CAMKV: variants seen among roughly 807,000 people sequenced by gnomAD.
CAMKV encodes the protein caM kinase-like vesicle-associated protein.
A neutral mutation model predicts 50.2 loss-of-function variants in CAMKV; 5 were observed. That is an observed-to-expected ratio of 0.10 (90% CI 0.05 to 0.21). The LOEUF is 0.21. CAMKV is among the 10% of genes least tolerant of loss of function. CAMKV has a pLI of 1.00. For synonymous variants in CAMKV, 229 were observed against 250.1 expected, an observed-to-expected ratio of 0.92 and a Z score of 0.80; for missense variants, 361 against 650.5, an observed-to-expected ratio of 0.55 and a Z score of 4.84.
intron 1 of CAMKV, among the ~76,000 whole-genome samples, chr3:49,864,333 A>G (rs940736858): frequency 6.6e-6 from 1 of 152,190 alleles, no homozygotes; most frequent in Non-Finnish European, 1.5e-5. Context: ...TCGGCTCTGC[A>G]TATGCATTCA....
chr3:49,861,685 C>G lies in CAMKV; in HGVS notation c.302+106G>C. On this transcript the variant is annotated intron_variant, in intron 4 of 10. Coordinates refer to ENST00000477224, the MANE Select transcript of CAMKV (RefSeq NM_024046.5). This position sits in a 1 kb window ranked among gnomAD's most constrained non-coding sequence, Gnocchi z 7.7. The stretch of plus-strand genomic sequence containing the variant: ...CAGCTGGCTGAGCAAGGCACAGGGA[C>G]CTGGGACGCCAAGGGTCCAGAAAGG... The G allele has an allele frequency of 6.3e-7, 1 of 1,594,422 alleles. No homozygotes were observed. Among genetic ancestry groups the G allele is most frequent in the Non-Finnish European group, 8.6e-7 (1 of 1,164,938 alleles).
At position 49,861,144 on chromosome 3, in the gene CAMKV, C is replaced by A. The variant is rs762972783; in HGVS notation, c.562+36G>T. 6.3e-7 allele frequency: 1 copy of A among 1,585,900 alleles called. No homozygotes were observed. Among genetic ancestry groups the A allele is most frequent in the Admixed American group, 1.8e-5 (1 of 56,364 alleles). On this transcript the variant is annotated intron_variant, in intron 6 of 10. Coordinates refer to ENST00000477224, the MANE Select transcript of CAMKV (RefSeq NM_024046.5). This position sits in a 1 kb window ranked among gnomAD's most constrained non-coding sequence, Gnocchi z 7.7. ...GAGCAGCTCCCTGAAGGCTGCCCCC[C>A]ATTATCCCCCTGCCCCTGCCCCACC...
chr3:49,861,375 G>C lies in CAMKV; in HGVS notation c.441+64C>G. 6.2e-7 allele frequency: 1 copy of C among 1,613,168 alleles called. No individual in the cohort carries two copies. Among genetic ancestry groups the C allele is most frequent in the Non-Finnish European group, 8.5e-7 (1 of 1,179,428 alleles). On this transcript the variant is annotated intron_variant, in intron 5 of 10. Transcript: ENST00000477224. The surrounding 1 kb of genome is among the most constrained non-coding windows in gnomAD (Gnocchi z 7.7). ...TTGGAGGCTAGACCAAGGCCCTGAG[G>C]TGCTGCCCACCCCAGCACCAGCCCA...
At chr3:49,864,326 G>A (rs2082047051) in intron 1 of CAMKV, among the ~76,000 whole-genome samples, 1 of 152,170 alleles carries the variant, frequency 6.6e-6, no homozygotes, top group Non-Finnish European at 1.5e-5. Context: ...CCAGCTTTCG[G>A]CTCTGCATAT....
rs1575405786 is a variant in CAMKV at position 49,860,095 on chromosome 3, T to G, written c.942+76A>C. ...AAAAGCTTGTGTGTGGCTGCAGGGG[T>G]GTGATGCAGGCAAGAAACTGAGTGC... is the stretch of plus-strand genomic sequence containing the variant. On this transcript the variant is annotated intron_variant, in intron 10 of 10. Coordinates refer to ENST00000477224, the MANE Select transcript of CAMKV (RefSeq NM_024046.5). This position sits in a 1 kb window ranked among gnomAD's most constrained non-coding sequence, Gnocchi z 6.1. 2 of 1,313,682 alleles carry G rather than the reference T, an allele frequency of 1.5e-6. No individual in the cohort carries two copies. The allele number at this position is 1,313,682 out of a possible 1,614,324, so 81.4% of individuals were successfully genotyped here. A position where few individuals can be genotyped will look rare whatever the true frequency, so the allele number is the denominator to read the frequency against.
chr3:49,865,727 C>T (rs1480364321), intron 1 of CAMKV, among the ~76,000 whole-genome samples: 1 of 152,208 alleles, frequency 6.6e-6, no homozygotes, highest in Non-Finnish European at 1.5e-5. Flanking sequence ...GTTTGTGCAA[C>T]ACATTGTCCA....
Position 49,858,700 on chromosome 3 carries a change from T to G in CAMKV, c.*618A>C. 4.7e-6 allele frequency: 1 copy of G among 212,788 alleles called. No individual in the cohort carries two copies. Among genetic ancestry groups the G allele is most frequent in the Non-Finnish European group, 9.2e-6 (1 of 108,628 alleles). The allele number at this position is 212,788 out of a possible 1,614,324, so 13.2% of individuals were successfully genotyped here. A position where few individuals can be genotyped will look rare whatever the true frequency, so the allele number is the denominator to read the frequency against. On this transcript the variant is annotated 3_prime_UTR_variant, in exon 11 of 11. Transcript: ENST00000477224. ...ATGGAAGCTTCTGCCCTCCTACTCA[T>G]TCTCTCCACTCCTGAGGACCTCCAC...
chr3:49,863,873 C>T (rs1243881889), intron 1 of CAMKV, among the ~76,000 whole-genome samples: 1 of 152,080 alleles, frequency 6.6e-6, no homozygotes, highest in Non-Finnish European at 1.5e-5. Flanking sequence ...GTTGCCCAGG[C>T]TGTTCTTGAA....
In CAMKV at chr3:49,869,506, T is replaced by C. The variant is rs1224423679; in HGVS notation, c.-15+252A>G. On this transcript the variant is annotated intron_variant, in intron 1 of 10. Transcript: ENST00000477224. The surrounding 1 kb of genome is among the most constrained non-coding windows in gnomAD (Gnocchi z 5.2). The stretch of plus-strand genomic sequence containing the variant: ...GACCACGAATCTTCGAGGGTTAATC[T>C]TTTCACAATTCCGAGCCGCAGAAGC... Among the ~76,000 whole-genome samples, 1 of 152,050 alleles carries C rather than the reference T, an allele frequency of 6.6e-6. No homozygotes were observed. The highest frequency in any genetic ancestry group is 1.5e-5 in the Non-Finnish European group (1 of 67,980).
Position 49,859,502 on chromosome 3 carries a change from C to G in CAMKV, c.1322G>C (p.Ser441Thr). 3 of 1,614,182 alleles carry G rather than the reference C, an allele frequency of 1.9e-6. No individual in the cohort carries two copies. Among genetic ancestry groups the G allele is most frequent in the South Asian group, 1.1e-5 (1 of 91,084 alleles). ...ACTGCTTTGGGTGGTGGGCACAGTG[C>G]TCTCTTCTGTGGCTGGTGTGGCTCT... ...DGRATPATEE[S>T]TVPTTQSSAM... The change falls in exon 11 of 11, where the codon AGC becomes ACC. Residue 441 changes from serine (S) to threonine (T), a missense_variant. Ser to Thr is a moderately conservative substitution (Grantham distance 58). Coordinates refer to ENST00000477224, the MANE Select transcript of CAMKV (RefSeq NM_024046.5). This position sits in a 1 kb window ranked among gnomAD's most constrained non-coding sequence, Gnocchi z 5.5.
intron 1 of CAMKV, chr3:49,863,336 ATTTCTTTTCT>A (rs200571241): frequency 6.6e-6 from 1 of 152,056 alleles, no homozygotes; most frequent in Non-Finnish European, 1.5e-5. Context: ...TGGAAGACCT[ATTTCTTTTCT>A]TTTCTTTTCT....
rs1282753045 is a variant in CAMKV, at chr3:49,862,140, C to T, written c.132G>A (p.Lys44=). The T allele has an allele frequency of 6.2e-7, 1 of 1,614,218 alleles. No homozygotes were observed. The highest frequency in any genetic ancestry group is 8.5e-7 in the Non-Finnish European group (1 of 1,180,036). The change falls in exon 3 of 11, where the codon AAG becomes AAA. Residue 44 remains lysine, a synonymous_variant. Coordinates refer to ENST00000477224, the MANE Select transcript of CAMKV (RefSeq NM_024046.5). This position sits in a 1 kb window ranked among gnomAD's most constrained non-coding sequence, Gnocchi z 5.2. ...EFCEIFRAKD[K]TTGKLHTCKK... ...TGCAGGTGTGCAGCTTGCCTGTCGT[C>T]TTGTCCTTGGCCCGGAAGATTTCAC...
At chr3:49,863,278 A>T (rs1016036961) in intron 1 of CAMKV, 1 of 152,290 alleles carries the variant, frequency 6.6e-6, no homozygotes, top group African/African-American at 2.4e-5. Flanking sequence ...GGTCCCTTCT[A>T]AGAGAAAAGG....
In CAMKV at chr3:49,861,655, C is replaced by G. The variant is rs1221623169; in HGVS notation, c.303-78G>C. The G allele has an allele frequency of 5.0e-6, 8 of 1,601,056 alleles. No homozygotes were observed. The Admixed American group carries it at 1.3e-4, about 27-fold the overall frequency. ...GGAGCACTTGGGTGAGCTGCCTACGCCAGGCAGCTGGCTGAGCAAGGCACA... is the reference window on the plus strand; with the variant it reads ...GGAGCACTTGGGTGAGCTGCCTACGGCAGGCAGCTGGCTGAGCAAGGCACA... On this transcript the variant is annotated intron_variant, in intron 4 of 10. Coordinates refer to ENST00000477224, the MANE Select transcript of CAMKV (RefSeq NM_024046.5). This position sits in a 1 kb window ranked among gnomAD's most constrained non-coding sequence, Gnocchi z 7.7.
rs943102281 is a variant in CAMKV at position 49,861,979 on chromosome 3, C to A, written c.227+66G>T. ...GGCCAGAGGCTGGGACTGCCTGAGGCCACTTGCCCTCTAAGCCCTTCCCTG... is the reference window on the plus strand; with the variant it reads ...GGCCAGAGGCTGGGACTGCCTGAGGACACTTGCCCTCTAAGCCCTTCCCTG... On this transcript the variant is annotated intron_variant, in intron 3 of 10. Transcript: ENST00000477224. This position sits in a 1 kb window ranked among gnomAD's most constrained non-coding sequence, Gnocchi z 7.7. 6.2e-6 allele frequency: 10 copies of A among 1,610,280 alleles called. No individual in the cohort carries two copies. In the African/African-American group the frequency reaches 1.3e-4, roughly 22 times the overall value.
rs1011621521 is a variant in CAMKV at position 49,861,402 on chromosome 3, C to T, written c.441+37G>A. ...GCTGCCCACCCCAGCACCAGCCCAG[C>T]TGCCAACTGGCCCTTTGACTCTGGC... On this transcript the variant is annotated intron_variant, in intron 5 of 10. Coordinates refer to ENST00000477224, the MANE Select transcript of CAMKV (RefSeq NM_024046.5). The surrounding 1 kb of genome is among the most constrained non-coding windows in gnomAD (Gnocchi z 7.7). 2 of 1,613,568 alleles carry T rather than the reference C, an allele frequency of 1.2e-6. No homozygotes were observed. The highest frequency in any genetic ancestry group is 1.7e-6 in the Non-Finnish European group (2 of 1,179,714).
chr3:49,868,084 G>A lies in CAMKV; in HGVS notation c.-15+1674C>T, dbSNP rs565496184. On this transcript the variant is annotated intron_variant, in intron 1 of 10. Coordinates refer to ENST00000477224, the MANE Select transcript of CAMKV (RefSeq NM_024046.5). ...GTTGGTGGGGAAGAGGCCAGCTGCT[G>A]CAGCCCCCCAGTCAGGACAGTTCCC... 2.0e-5 allele frequency among the ~76,000 whole-genome samples: 3 copies of A among 152,326 alleles called. No homozygotes were observed. In the East Asian group the frequency reaches 5.8e-4, roughly 29 times the overall value.
intron 1 of CAMKV, among the ~76,000 whole-genome samples, chr3:49,867,165 C>T (rs780452874): frequency 1.9e-4 from 29 of 152,344 alleles, no homozygotes; most frequent in Middle Eastern, 3.4e-3. Flanking sequence ...CTGCTTAACT[C>T]ACAGCTGAGG....
At chr3:49,863,869 C>T (rs746168789) in intron 1 of CAMKV, among the ~76,000 whole-genome samples, 36 of 152,206 alleles carry the variant, frequency 2.4e-4, no homozygotes, top group Non-Finnish European at 4.6e-4. Flanking sequence ...TTACGTTGCC[C>T]AGGCTGTTCT....
Sources: gnomAD v4.1 joint callset for allele counts (sites outside exome capture counted in the v4.1 genomes callset) on GRCh38, gnomAD v4.1.1 for gene constraint, Gnocchi (gnomAD v3.1) non-coding constraint, MANE v1.5 for transcripts, NCBI Gene and HGNC (gene_info 2026-07-23, HGNC 2026-07-21) for gene names.